UBE2E2: variants seen among roughly 807,000 people sequenced by gnomAD.
The protein encoded by UBE2E2 is ubiquitin-conjugating enzyme E2 E2.
Under a neutral mutation model 24.7 loss-of-function variants are expected in UBE2E2, and 6 were observed. The observed-to-expected ratio is 0.24, with a 90% CI of 0.13 to 0.48. UBE2E2 has a LOEUF of 0.48. Ranked by LOEUF, UBE2E2 falls within the 20% of genes least tolerant of loss-of-function variation. The pLI, the probability that UBE2E2 is intolerant of heterozygous loss-of-function variation, is 0.99. For synonymous variants in UBE2E2, 104 were observed against 83.6 expected (o/e 1.24, Z -1.33); for missense variants, 169 against 245.0 (o/e 0.69, Z 2.07).
chr3:23,522,939 T>C (rs76875282), intron 4 of UBE2E2, among the ~76,000 whole-genome samples: 133 of 151,754 alleles, frequency 8.8e-4, no homozygotes, highest in African/African-American at 2.9e-3. Context: ...AAGATTTCTG[T>C]CTGTACCATG....
At position 23,304,831 on chromosome 3, in the gene UBE2E2, C is replaced by G. The variant is rs915943093; in HGVS notation, c.227+87519C>G. On this transcript the variant is annotated intron_variant, in intron 3 of 5. Coordinates refer to ENST00000396703, the MANE Select transcript of UBE2E2 (RefSeq NM_152653.4). ...CCTGCCTTAATACCGGGTATGCATA[C>G]ATTTATTCACTTATTCATTGGAGTG... Among the ~76,000 whole-genome samples the G allele has an allele frequency of 1.3e-5, 2 of 152,018 alleles. 1 individual carries two copies. The highest frequency in any genetic ancestry group is 4.2e-4 in the South Asian group (2 of 4,814).
At chr3:23,568,668 C>T (rs950321722) in intron 5 of UBE2E2, among the ~76,000 whole-genome samples, 4 of 44,038 alleles carry the variant, frequency 9.1e-5, no homozygotes, top group Admixed American at 3.6e-4. Context: ...TACATATATA[C>T]GCACATATAT....
chr3:23,359,909 C>A (rs186791447), intron 3 of UBE2E2, among the ~76,000 whole-genome samples: 1 of 152,214 alleles, frequency 6.6e-6, no homozygotes, highest in Admixed American at 6.5e-5. Context: ...AGGATCACAT[C>A]CCTGAATTGT....
intron 3 of UBE2E2, among the ~76,000 whole-genome samples, chr3:23,434,517 C>T (rs17013216): frequency 0.029 from 4,400 of 152,214 alleles, 109 homozygotes; most frequent in East Asian, 0.13. Context: ...AAGGAGTTCT[C>T]ACTATATTGT....
intron 4 of UBE2E2, among the ~76,000 whole-genome samples, chr3:23,516,507 T>C (rs1694744297): frequency 6.6e-6 from 1 of 152,190 alleles, no homozygotes; most frequent in Admixed American, 6.5e-5. Context: ...TCCACTAGGC[T>C]CAGTATAAAG....
chr3:23,446,617 A>T (rs1162728482), intron 3 of UBE2E2, among the ~76,000 whole-genome samples: 1 of 151,684 alleles, frequency 6.6e-6, no homozygotes, highest in Non-Finnish European at 1.5e-5. Flanking sequence ...TGAGTACCAA[A>T]TTGATACCAT....
chr3:23,385,077 C>A (rs1353533552), intron 3 of UBE2E2, among the ~76,000 whole-genome samples: 1 of 152,084 alleles, frequency 6.6e-6, no homozygotes, highest in African/African-American at 2.4e-5. Flanking sequence ...ACCACGGGCG[C>A]ACACTACCAC....
chr3:23,568,422 ATAT>A (rs926607806), intron 5 of UBE2E2, among the ~76,000 whole-genome samples: 81 of 152,078 alleles, frequency 5.3e-4, no homozygotes, highest in African/African-American at 1.8e-3. Flanking sequence ...AAGTCTCATT[ATAT>A]TATTATTATC....
chr3:23,539,026 C>T (rs1289005938), intron 5 of UBE2E2, among the ~76,000 whole-genome samples: 1 of 152,134 alleles, frequency 6.6e-6, no homozygotes, highest in East Asian at 1.9e-4. Flanking sequence ...AAAATTACCC[C>T]ATTGTAGGCT....
At chr3:23,223,028 T>C (rs1338791817) in intron 3 of UBE2E2, among the ~76,000 whole-genome samples, 16 of 115,148 alleles carry the variant, frequency 1.4e-4, no homozygotes, top group African/African-American at 5.5e-4. Context: ...CCCCCCCCTT[T>C]TTTTTTTTTT....
At chr3:23,322,746 C>A (rs1694779276) in intron 3 of UBE2E2, among the ~76,000 whole-genome samples, 1 of 151,944 alleles carries the variant, frequency 6.6e-6, no homozygotes, top group Non-Finnish European at 1.5e-5. Flanking sequence ...CATAATACTT[C>A]CAAAAATCCC....
intron 5 of UBE2E2, among the ~76,000 whole-genome samples, chr3:23,581,290 A>C (rs1696471337): frequency 6.6e-6 from 1 of 152,116 alleles, no homozygotes; most frequent in African/African-American, 2.4e-5. Flanking sequence ...AACTCCTGGC[A>C]TCCTCGAGCA....
At chr3:23,288,838 G>A (rs924479271) in intron 3 of UBE2E2, among the ~76,000 whole-genome samples, 2 of 151,902 alleles carry the variant, frequency 1.3e-5, no homozygotes, top group African/African-American at 4.8e-5. Context: ...CAAATGTGAT[G>A]TATGAATAGG....
rs59847471 is a variant in UBE2E2 at position 23,494,210 on chromosome 3, T to C, written c.228-5398T>C. On this transcript the variant is annotated intron_variant, in intron 3 of 5. Transcript: ENST00000396703. ...AAGATTAAAAGATTTCTTTCTCACT[T>C]CTTGATTCATGATACAGAAATATGA... 6.4e-4 allele frequency among the ~76,000 whole-genome samples: 98 copies of C among 152,276 alleles called. 5 individuals are homozygous for C. The East Asian group carries it at 0.015, about 24-fold the overall frequency.
chr3:23,540,592 A>G (rs549629880), intron 5 of UBE2E2, among the ~76,000 whole-genome samples: 1 of 152,152 alleles, frequency 6.6e-6, no homozygotes, highest in South Asian at 2.1e-4. Flanking sequence ...TTTAGTAGAG[A>G]CGGGGTTTCA....
intron 4 of UBE2E2, among the ~76,000 whole-genome samples, chr3:23,519,033 C>T (rs1481337814): frequency 6.6e-6 from 1 of 152,188 alleles, no homozygotes; most frequent in Non-Finnish European, 1.5e-5. Flanking sequence ...TTCTCCTAAA[C>T]TGCAGGATGA....
At chr3:23,358,575 A>G (rs1044625832) in intron 3 of UBE2E2, among the ~76,000 whole-genome samples, 1 of 152,262 alleles carries the variant, frequency 6.6e-6, no homozygotes, top group Non-Finnish European at 1.5e-5. Flanking sequence ...AGGATTGAAA[A>G]AAACAATCTG....
At chr3:23,341,091 G>A (rs1695374968) in intron 3 of UBE2E2, among the ~76,000 whole-genome samples, 2 of 152,156 alleles carry the variant, frequency 1.3e-5, no homozygotes, top group African/African-American at 4.8e-5. Context: ...ACAGAATCAG[G>A]AGCCTTGCAT....
At chr3:23,203,103 CACTCGCGGGTGCGCGCGCGG>C (rs1696000371), upstream of UBE2E2, 1 of 977,380 alleles carries the variant, frequency 1.0e-6, no homozygotes. Flanking sequence ...CAGGCACGCG[CACTCGCGGGTGCGCGCGCGG>C]ACGGCCGGGC....
Sources: allele counts gnomAD v4.1 joint callset (sites outside exome capture counted in the v4.1 genomes callset), GRCh38; gene constraint gnomAD v4.1.1; transcripts MANE v1.5; gene names NCBI Gene and HGNC (gene_info 2026-07-23, HGNC 2026-07-21).